SEC16B: variants seen among roughly 807,000 people sequenced by gnomAD.
SEC16B encodes the protein protein transport protein Sec16B.
A neutral mutation model predicts 141.8 loss-of-function variants in SEC16B; 115 were observed. The observed-to-expected ratio is 0.81, with a 90% CI of 0.70 to 0.95. The LOEUF (loss-of-function observed/expected upper bound fraction) is 0.95, where lower values mean the gene tolerates loss of function less well. Ranked by LOEUF, SEC16B falls within the 40% of genes least tolerant of loss-of-function variation. SEC16B has a pLI of 0.00. For missense variants in SEC16B, 1,291 were observed against 1,312.3 expected, an observed-to-expected ratio of 0.98 and a Z score of 0.25; for synonymous variants, 493 against 492.5, an observed-to-expected ratio of 1.00 and a Z score of -0.01.
chr1:177,960,681 T>C, intron 7 of SEC16B, 110 bp downstream of exon 7: 1 of 1,240,980 alleles, frequency 8.1e-7, no homozygotes, highest in South Asian at 1.5e-5. Context: ...CGCAAGAGCA[T>C]CCCATTCCTG....
At chr1:177,953,334 C>G (rs909990502) in intron 11 of SEC16B, among the ~76,000 whole-genome samples, 2 of 152,192 alleles carry the variant, frequency 1.3e-5, no homozygotes, top group Non-Finnish European at 2.9e-5. Context: ...TCAACCTCTA[C>G]TCAACAGGAT....
Position 177,942,024 on chromosome 1 carries a change from T to C in SEC16B, c.1898A>G (p.Tyr633Cys), listed in dbSNP as rs746621234. The change falls in exon 16 of 26, where the codon TAT becomes TGT. Residue 633 changes from tyrosine to cysteine, a missense_variant. Physicochemically the swap from Tyr to Cys is radical, Grantham distance 194 (BLOSUM62 -2). Transcript: ENST00000308284. ...GCCATAATCTGCCAGACGGGAAGCA[T>C]AAAGGAGCTTATACACCTGTGAAGA... Reference protein sequence around the residue: ...IPSFQVYKLLYASRLADYGLV... With the variant: ...IPSFQVYKLLCASRLADYGLV... 8 of 1,613,686 alleles carry C rather than the reference T, an allele frequency of 5.0e-6. No homozygotes were observed. The East Asian group carries it at 1.1e-4, about 22-fold the overall frequency.
At chr1:177,944,466 G>A in intron 15 of SEC16B, 95 bp downstream of exon 15, 1 of 895,046 alleles carries the variant, frequency 1.1e-6, no homozygotes, top group Non-Finnish European at 1.8e-6. Flanking sequence ...AGATAACTTA[G>A]CCCCAGGTAC....
At chr1:177,952,235 G>A (rs1009512932) in intron 11 of SEC16B, among the ~76,000 whole-genome samples, 8 of 152,178 alleles carry the variant, frequency 5.3e-5, no homozygotes, top group Non-Finnish European at 8.8e-5. Context: ...CTGCACCTTG[G>A]TCTTGATGGC....
chr1:177,964,294 C>A lies in SEC16B; in HGVS notation c.534-15G>T. On this transcript the variant is annotated splice_polypyrimidine_tract_variant and intron_variant, in intron 4 of 25. Transcript: ENST00000308284. ...TACTGTTAGATCTGCAGCAAAATGA[C>A]AGGAGCAGTGAGCGGGGTCCTGGGC... The A allele has an allele frequency of 6.3e-7, 1 of 1,598,794 alleles. No homozygotes were observed. Among genetic ancestry groups the A allele is most frequent in the Non-Finnish European group, 8.6e-7 (1 of 1,168,338 alleles).
Position 177,960,419 on chromosome 1 carries a change from C to T in SEC16B, c.937-16G>A, listed in dbSNP as rs10913472. The T allele has an allele frequency of 0.49, 756,805 of 1,556,028 alleles. 187,682 individuals are homozygous for T. The highest frequency in any genetic ancestry group is 0.58 in the South Asian group (50,221 of 86,072). ...TAAGAATAACCTGGAATAAAACAAT[C>T]AGATTTTGTGTTTAAGACTGTGGCC... is the stretch of plus-strand genomic sequence containing the variant. On this transcript the variant is annotated splice_polypyrimidine_tract_variant and intron_variant, in intron 7 of 25. Transcript: ENST00000308284.
upstream of SEC16B, among the ~76,000 whole-genome samples, chr1:177,973,020 T>C (rs1047236204): frequency 2.6e-5 from 4 of 152,148 alleles, no homozygotes; most frequent in African/African-American, 4.8e-5. Context: ...TCCAGAAGGG[T>C]GAGAAATAAA....
At chr1:177,940,304 A>G (rs1009196738) in intron 17 of SEC16B, among the ~76,000 whole-genome samples, 5 of 152,156 alleles carry the variant, frequency 3.3e-5, no homozygotes, top group Non-Finnish European at 7.4e-5. Context: ...GGAAGCTTTG[A>G]TGGTCATGAA....
At chr1:177,978,246 T>C (rs76413742) in intron 1 of SEC16B, among the ~76,000 whole-genome samples, 167 of 152,344 alleles carry the variant, frequency 1.1e-3, no homozygotes, top group Non-Finnish European at 1.6e-3. Context: ...TTCATGAGAT[T>C]GTTGTAGAAT....
At chr1:177,943,901 A>G (rs1280873048) in intron 15 of SEC16B, among the ~76,000 whole-genome samples, 1 of 152,236 alleles carries the variant, frequency 6.6e-6, no homozygotes, top group Non-Finnish European at 1.5e-5. Flanking sequence ...TGGCCCAGGT[A>G]GTCTGCATGG....
intron 5 of SEC16B, among the ~76,000 whole-genome samples, chr1:177,963,077 C>T (rs1653208831): frequency 6.6e-6 from 1 of 151,852 alleles, no homozygotes; most frequent in Non-Finnish European, 1.5e-5. Context: ...CACAGCACTC[C>T]AGCCTGGGCA....
chr1:177,946,265 G>T, intron 14 of SEC16B, 155 bp downstream of exon 14: 1 of 715,590 alleles, frequency 1.4e-6, no homozygotes, highest in Non-Finnish European at 2.5e-6. Context: ...GCATCTCCTT[G>T]CACAGACCTG....
At chr1:177,960,288 G>T in intron 8 of SEC16B, 54 bp downstream of exon 8, 1 of 1,159,602 alleles carries the variant, frequency 8.6e-7, no homozygotes. Context: ...ATCTGGGCAG[G>T]AAGATTTTCT....
chr1:177,967,197 C>A (rs1653597267), intron 2 of SEC16B, among the ~76,000 whole-genome samples: 2 of 152,090 alleles, frequency 1.3e-5, no homozygotes, highest in Non-Finnish European at 2.9e-5. Context: ...ATTGGTATGC[C>A]TGTTCCATTC....
In SEC16B at chr1:177,948,456, C is replaced by G. The variant is rs1473115034; in HGVS notation, c.1546-514G>C. 4 of 1,303,390 alleles carry G rather than the reference C, an allele frequency of 3.1e-6. No homozygotes were observed. In the East Asian group the frequency reaches 2.2e-4, roughly 72 times the overall value. 80.7% of individuals were successfully genotyped at this position (1,303,390 alleles called of 1,614,324 possible). On this transcript the variant is annotated intron_variant, in intron 12 of 25. Coordinates refer to ENST00000308284, the MANE Select transcript of SEC16B (RefSeq NM_033127.4). The stretch of plus-strand genomic sequence containing the variant: ...ACATCCTCTTAATCTTCACAGGAAC[C>G]CTATGAAGTCTAGTTCCTACTGCCA...
chr1:177,973,307 T>G (rs1024106934), upstream of SEC16B: 2 of 152,198 alleles, frequency 1.3e-5, no homozygotes, highest in Non-Finnish European at 2.9e-5. Context: ...TCCTAATCCT[T>G]TACTGAAAGT....
upstream of SEC16B, among the ~76,000 whole-genome samples, chr1:177,972,547 G>C (rs1654002596): frequency 6.6e-6 from 1 of 152,100 alleles, no homozygotes; most frequent in Admixed American, 6.5e-5. Flanking sequence ...ACATCATCCT[G>C]CCCCAAGTGC....
intron 9 of SEC16B, among the ~76,000 whole-genome samples, chr1:177,958,622 C>G (rs1652815123): frequency 6.6e-6 from 1 of 152,146 alleles, no homozygotes; most frequent in African/African-American, 2.4e-5. Context: ...GTGCAATAAC[C>G]CAGAAACTGT....
chr1:177,942,466 G>A (rs1651354041), intron 15 of SEC16B, among the ~76,000 whole-genome samples: 1 of 152,152 alleles, frequency 6.6e-6, no homozygotes, highest in Non-Finnish European at 1.5e-5. Context: ...TCAGGAGTTT[G>A]AGACCAGCCT....
Sources: gnomAD v4.1 joint callset for allele counts (sites outside exome capture counted in the v4.1 genomes callset) on GRCh38, gnomAD v4.1.1 for gene constraint, MANE v1.5 for transcripts, NCBI Gene and HGNC (gene_info 2026-07-23, HGNC 2026-07-21) for gene names.